Variants in LCOR observed in about 807,000 individuals in gnomAD.
LCOR encodes ligand dependent nuclear receptor corepressor, also known as ligand-dependent corepressor.
A neutral mutation model predicts 64.4 loss-of-function variants in LCOR; 14 were observed. That is an observed-to-expected ratio of 0.22 (90% CI 0.14 to 0.34). The LOEUF is 0.34. LCOR is among the 10% of genes least tolerant of loss of function. LCOR has a pLI of 1.00. For synonymous variants in LCOR, 643 were observed against 642.5 expected (o/e 1.00, Z -0.01); for missense variants, 1,686 against 1,765.3 (o/e 0.96, Z 0.80).
chr10:96,923,356 A>G (rs1847113597), intron 4 of LCOR, among the ~76,000 whole-genome samples: 1 of 152,220 alleles, frequency 6.6e-6, no homozygotes, highest in South Asian at 2.1e-4. Context: ...ATTTAAAACA[A>G]TATTACCTAA....
At chr10:96,931,963 A>T (rs74565070) in intron 4 of LCOR, among the ~76,000 whole-genome samples, 1 of 152,218 alleles carries the variant, frequency 6.6e-6, no homozygotes, top group Admixed American at 6.5e-5. Context: ...GTATAATGCT[A>T]TTGTGATCAA....
rs1564626444 is a variant in LCOR at position 96,920,716 on chromosome 10, A to ATGTTCATATATATG, written c.-184+12972_-184+12973insTCATATATATGTGT. On this transcript the variant is annotated intron_variant, in intron 4 of 7. Coordinates refer to ENST00000421806, the MANE Select transcript of LCOR (RefSeq NM_001346516.2). ...TATATGTTCATATATGTGTGTATAT[A>ATGTTCATATATATG]TGTATATATGTTCATATATATGTGT... Among the ~76,000 whole-genome samples the ATGTTCATATATATG allele has an allele frequency of 3.0e-5, 4 of 133,586 alleles. 1 individual carries two copies. Among genetic ancestry groups the ATGTTCATATATATG allele is most frequent in the African/African-American group, 1.3e-4 (4 of 31,506 alleles). 87.6% of individuals were successfully genotyped at this position (133,586 alleles called of 152,430 possible).
intron 4 of LCOR, among the ~76,000 whole-genome samples, chr10:96,916,890 C>T (rs1421360560): frequency 1.3e-5 from 2 of 152,228 alleles, no homozygotes; most frequent in African/African-American, 2.4e-5. Flanking sequence ...GCTGGGATTA[C>T]AGGCGTGAGC....
At chr10:96,907,169 C>A in intron 2 of LCOR, 96 bp from the exon 3 acceptor site, 1 of 315,610 alleles carries the variant, frequency 3.2e-6, no homozygotes, top group Non-Finnish European at 4.6e-6. Context: ...TCCTTGAGAA[C>A]TGGAAGAAAA....
At chr10:96,974,121 C>G (rs1848019407) in intron 7 of LCOR, among the ~76,000 whole-genome samples, 1 of 152,182 alleles carries the variant, frequency 6.6e-6, no homozygotes, top group Non-Finnish European at 1.5e-5. Flanking sequence ...AACAATCATT[C>G]TTAAACTGTA....
chr10:96,891,383 T>C (rs1439463103), intron 2 of LCOR, among the ~76,000 whole-genome samples: 1 of 151,424 alleles, frequency 6.6e-6, no homozygotes, highest in East Asian at 1.9e-4. Flanking sequence ...GTAAATTGAA[T>C]CTTCTCTCTT....
At chr10:96,949,694 G>A (rs1589677348) in intron 6 of LCOR, among the ~76,000 whole-genome samples, 2 of 152,186 alleles carry the variant, frequency 1.3e-5, no homozygotes, top group South Asian at 4.2e-4. Context: ...TCTACTTGCA[G>A]GTATAAGTTA....
In LCOR at chr10:96,981,967, G is replaced by A; in HGVS notation, c.1507G>A (p.Gly503Arg). Residue 503 changes from glycine (G) to arginine (R), a missense_variant, in exon 8 of 8, where the codon GGA becomes AGA. Physicochemically the swap from Gly to Arg is moderately radical, Grantham distance 125. This residue lies in a region of LCOR where 1,293 missense variants were observed against 1,410.4 expected (regional missense o/e 0.92). Transcript: ENST00000421806. ...GAAAACAGCCAGAAAGAGTACTCGA[G>A]GATACTTTTTCAATGGTGACTGTTG... ...SRKTARKSTRGYFFNGDCCEL... is the reference protein window; with the variant it reads ...SRKTARKSTRRYFFNGDCCEL... 1 of 1,614,046 alleles carries A rather than the reference G, an allele frequency of 6.2e-7. No homozygotes were observed. The highest frequency in any genetic ancestry group is 8.5e-7 in the Non-Finnish European group (1 of 1,180,036).
intron 2 of LCOR, among the ~76,000 whole-genome samples, chr10:96,866,391 G>A (rs1008896056): frequency 2.0e-5 from 3 of 152,058 alleles, no homozygotes; most frequent in Non-Finnish European, 2.9e-5. Context: ...ACCTCAGTTC[G>A]TTTATCCATT....
intron 2 of LCOR, among the ~76,000 whole-genome samples, chr10:96,859,667 C>G (rs1589611026): frequency 6.6e-6 from 1 of 152,088 alleles, no homozygotes; most frequent in Non-Finnish European, 1.5e-5. Context: ...AAGTAATTCT[C>G]GTGCCTCAGC....
At chr10:96,886,800 A>C (rs1376466563) in intron 2 of LCOR, among the ~76,000 whole-genome samples, 1 of 152,220 alleles carries the variant, frequency 6.6e-6, no homozygotes, top group African/African-American at 2.4e-5. Context: ...TACTGCTTAC[A>C]CATCTCCAGT....
At chr10:96,889,066 A>G (rs1010507044) in intron 2 of LCOR, among the ~76,000 whole-genome samples, 2 of 152,220 alleles carry the variant, frequency 1.3e-5, no homozygotes, top group African/African-American at 4.8e-5. Flanking sequence ...TAGTATATTC[A>G]AAGTGTTGTA....
intron 2 of LCOR, among the ~76,000 whole-genome samples, chr10:96,856,194 C>T (rs1281112991): frequency 6.6e-6 from 1 of 152,048 alleles, no homozygotes; most frequent in African/African-American, 2.4e-5. Context: ...CCTCAGCCTC[C>T]TGAGTAGCTG....
rs369036995 is a variant in LCOR, at chr10:96,896,211, G to A, written c.-329-11054G>A. Among the ~76,000 whole-genome samples, 16 of 152,246 alleles carry A rather than the reference G, an allele frequency of 1.1e-4. No individual in the cohort carries two copies. The East Asian group carries it at 1.9e-3, about 18-fold the overall frequency. Reference sequence around the variant, plus strand: ...ACTGACATTTCTGGTATTTAGAGGCGTGTGGGTTGAGGAGGGATCTCACTA... The same window carrying A: ...ACTGACATTTCTGGTATTTAGAGGCATGTGGGTTGAGGAGGGATCTCACTA... On this transcript the variant is annotated intron_variant, in intron 2 of 7. Coordinates refer to ENST00000421806, the MANE Select transcript of LCOR (RefSeq NM_001346516.2).
chr10:96,882,536 AT>A (rs1278607176), intron 2 of LCOR, among the ~76,000 whole-genome samples: 1 of 152,142 alleles, frequency 6.6e-6, no homozygotes, highest in African/African-American at 2.4e-5. Flanking sequence ...TCCTCTGTTG[AT>A]TTCTCCATAC....
At chr10:96,900,916 G>GC (rs1846624391) in intron 2 of LCOR, among the ~76,000 whole-genome samples, 1 of 148,718 alleles carries the variant, frequency 6.7e-6, no homozygotes, top group Non-Finnish European at 1.5e-5. Flanking sequence ...TCGGCCGGGC[G>GC]CAGTGGCTCA....
chr10:96,934,472 G>C (rs1847313868), intron 4 of LCOR, among the ~76,000 whole-genome samples: 1 of 152,130 alleles, frequency 6.6e-6, no homozygotes, highest in African/African-American at 2.4e-5. Context: ...CTCCTAAGAA[G>C]CTCACAGTAG....
intron 2 of LCOR, among the ~76,000 whole-genome samples, chr10:96,840,586 A>G (rs1157561716): frequency 1.3e-5 from 2 of 152,186 alleles, no homozygotes; most frequent in African/African-American, 4.8e-5. Flanking sequence ...AGACATGTCT[A>G]TTTTAAAATT....
At chr10:96,890,169 C>T (rs1005419489) in intron 2 of LCOR, among the ~76,000 whole-genome samples, 1 of 152,132 alleles carries the variant, frequency 6.6e-6, no homozygotes, top group Admixed American at 6.5e-5. Context: ...GTGGCATGAT[C>T]CTAGTTCAGT....
Sources: gnomAD v4.1 joint callset for allele counts (sites outside exome capture counted in the v4.1 genomes callset) on GRCh38, gnomAD v4.1.1 for gene constraint, gnomAD v4.1.1 regional missense constraint, MANE v1.5 for transcripts, NCBI Gene and HGNC (gene_info 2026-07-23, HGNC 2026-07-21) for gene names.